Variants in SEMA3A observed in about 807,000 individuals in gnomAD.
The protein encoded by SEMA3A is semaphorin 3A, also known as semaphorin-3A.
A neutral mutation model predicts 97.9 loss-of-function variants in SEMA3A; 29 were observed. That is an observed-to-expected ratio of 0.30 (90% CI 0.22 to 0.40). The LOEUF (loss-of-function observed/expected upper bound fraction) is 0.40, where lower values mean the gene tolerates loss of function less well. Ranked by LOEUF, SEMA3A falls within the 10% of genes least tolerant of loss-of-function variation. SEMA3A has a pLI of 1.00. For synonymous variants in SEMA3A, 321 were observed against 323.7 expected, an observed-to-expected ratio of 0.99 and a Z score of 0.09; for missense variants, 763 against 951.3, an observed-to-expected ratio of 0.80 and a Z score of 2.60.
intron 12 of SEMA3A, among the ~76,000 whole-genome samples, chr7:83,988,944 G>C (rs531214846): frequency 6.8e-6 from 1 of 146,112 alleles, no homozygotes; most frequent in African/African-American, 2.5e-5. Flanking sequence ...TGCAGGATCC[G>C]CACCCCCCCG....
chr7:84,016,261 C>T (rs528798149), intron 6 of SEMA3A, among the ~76,000 whole-genome samples: 14 of 152,066 alleles, frequency 9.2e-5, no homozygotes, highest in East Asian at 7.7e-4. Flanking sequence ...GAAACCTGGC[C>T]GGGCACGGTG....
chr7:84,072,269 A>G (rs1195350530), intron 4 of SEMA3A, among the ~76,000 whole-genome samples: 1 of 152,094 alleles, frequency 6.6e-6, no homozygotes, highest in African/African-American at 2.4e-5. Flanking sequence ...AAGCTTATCA[A>G]TAAATATTAC....
intron 12 of SEMA3A, among the ~76,000 whole-genome samples, chr7:83,994,912 A>C (rs1790142948): frequency 6.6e-6 from 1 of 151,786 alleles, no homozygotes; most frequent in African/African-American, 2.4e-5. Context: ...CCCCTCCCCC[A>C]GCCTAGCTGC....
At chr7:84,298,489 T>C (rs1800921254) in intron 3 of SEMA3A, among the ~76,000 whole-genome samples, 1 of 152,124 alleles carries the variant, frequency 6.6e-6, no homozygotes, top group African/African-American at 2.4e-5. Flanking sequence ...TTTATTAATT[T>C]AGCAAATGGG....
chr7:84,299,877 AAAAAATTAACCAGGCATGGCGGCAGATGC>A (rs1337187110), intron 3 of SEMA3A, among the ~76,000 whole-genome samples: 2 of 150,222 alleles, frequency 1.3e-5, no homozygotes, highest in Non-Finnish European at 1.5e-5. Flanking sequence ...TAAAAATACA[AAAAAATTAACCAGGCATGGCGGCAGATGC>A]CTGTAATCCC....
chr7:84,006,252 T>G (rs1450446152), intron 10 of SEMA3A, among the ~76,000 whole-genome samples: 1 of 152,126 alleles, frequency 6.6e-6, no homozygotes, highest in Non-Finnish European at 1.5e-5. Flanking sequence ...TTTTTTACTA[T>G]GGCATCATGC....
chr7:84,372,488 C>G (rs1802998540), intron 1 of SEMA3A, among the ~76,000 whole-genome samples: 1 of 152,038 alleles, frequency 6.6e-6, no homozygotes, highest in African/African-American at 2.4e-5. Context: ...AGAGCAACCT[C>G]AGATTTGGAG....
intron 1 of SEMA3A, among the ~76,000 whole-genome samples, chr7:84,153,185 G>A (rs530416664): frequency 2.0e-5 from 3 of 152,194 alleles, no homozygotes; most frequent in Admixed American, 2.0e-4. Flanking sequence ...TCAAGAACCA[G>A]TAAGTGATAT....
chr7:84,055,696 G>T (rs1792942518), intron 5 of SEMA3A, among the ~76,000 whole-genome samples: 1 of 152,212 alleles, frequency 6.6e-6, no homozygotes, highest in Non-Finnish European at 1.5e-5. Context: ...CTGTAGATCG[G>T]AGCTGTTCCT....
At chr7:84,010,979 AAATAACATTAAGTTTCTAT>A in intron 9 of SEMA3A, 24 bp downstream of exon 9, 5 of 1,422,032 alleles carry the variant, frequency 3.5e-6, no homozygotes, top group Non-Finnish European at 4.9e-6. Flanking sequence ...GATAGCACCT[AAATAACATTAAGTTTCTAT>A]AAGGTAGTTA....
intron 3 of SEMA3A, among the ~76,000 whole-genome samples, chr7:84,274,232 G>C (rs944735932): frequency 1.3e-5 from 2 of 151,230 alleles, no homozygotes; most frequent in African/African-American, 4.8e-5. Flanking sequence ...GGTTTGCAAA[G>C]GGGCCTCTAA....
chr7:84,049,336 G>T (rs565778142), intron 5 of SEMA3A, among the ~76,000 whole-genome samples: 61 of 152,138 alleles, frequency 4.0e-4, no homozygotes, highest in Non-Finnish European at 7.2e-4. Flanking sequence ...GTTGCACTGG[G>T]CCTTAGATCA....
At chr7:84,116,403 G>A (rs979548849) in intron 3 of SEMA3A, among the ~76,000 whole-genome samples, 16 of 151,828 alleles carry the variant, frequency 1.1e-4, no homozygotes, top group African/African-American at 3.4e-4. Flanking sequence ...TAGAACATTC[G>A]GAAAGAAAGA....
chr7:84,457,410 G>A (rs769339526), intron 1 of SEMA3A, among the ~76,000 whole-genome samples: 17 of 151,822 alleles, frequency 1.1e-4, no homozygotes, highest in Admixed American at 2.6e-4. Flanking sequence ...AGTCAATGGT[G>A]AAAGATTTGA....
intron 1 of SEMA3A, among the ~76,000 whole-genome samples, chr7:84,149,870 T>C (rs949452084): frequency 3.9e-5 from 6 of 152,198 alleles, no homozygotes; most frequent in African/African-American, 1.4e-4. Context: ...CCTTTCCACA[T>C]GAAAGAAAGG....
chr7:84,325,967 T>G (rs1317228601), intron 2 of SEMA3A, among the ~76,000 whole-genome samples: 14 of 152,146 alleles, frequency 9.2e-5, no homozygotes, highest in Non-Finnish European at 2.9e-5. Context: ...TAAGTTTACC[T>G]TTTCAGATTC....
At chr7:84,440,893 T>C (rs1194103586) in intron 1 of SEMA3A, among the ~76,000 whole-genome samples, 1 of 152,318 alleles carries the variant, frequency 6.6e-6, no homozygotes, top group Non-Finnish European at 1.5e-5. Context: ...GTGTGGTGGC[T>C]CACGCCTGTA....
upstream of SEMA3A, among the ~76,000 whole-genome samples, chr7:84,199,312 CT>C (rs1798302802): frequency 6.6e-6 from 1 of 152,134 alleles, no homozygotes; most frequent in Admixed American, 6.5e-5. Context: ...TGCAAATCAC[CT>C]TCCATACCCA....
intron 14 of SEMA3A, among the ~76,000 whole-genome samples, chr7:83,979,990 GAAATC>G (rs1220411759): frequency 7.9e-5 from 12 of 151,930 alleles, no homozygotes; most frequent in Admixed American, 7.9e-4. Flanking sequence ...AAACAATAAA[GAAATC>G]AAATTATATT....
Sources: gnomAD v4.1 joint callset for allele counts (sites outside exome capture counted in the v4.1 genomes callset) on GRCh38, gnomAD v4.1.1 for gene constraint, MANE v1.5 for transcripts, NCBI Gene and HGNC (gene_info 2026-07-23, HGNC 2026-07-21) for gene names.